The following CAPRIN2 variants were observed in gnomAD, a reference collection of about 807,000 sequenced individuals.
CAPRIN2 encodes caprin family member 2, also known as caprin-2.
CAPRIN2 carries 66 observed loss-of-function variants against 130.4 expected under a neutral mutation model. The observed-to-expected ratio is 0.51, with a 90% CI of 0.42 to 0.62. The LOEUF (loss-of-function observed/expected upper bound fraction) is 0.62. Ranked by LOEUF, CAPRIN2 falls within the 20% of genes least tolerant of loss-of-function variation. The pLI is 0.00. For synonymous variants in CAPRIN2, 471 were observed against 444.1 expected (o/e 1.06, Z -0.76); for missense variants, 1,185 against 1,246.6 (o/e 0.95, Z 0.74).
intron 2 of CAPRIN2, among the ~76,000 whole-genome samples, chr12:30,750,244 T>C (rs1237614546): frequency 6.6e-6 from 1 of 152,120 alleles, no homozygotes; most frequent in East Asian, 1.9e-4. Flanking sequence ...CACTATGGAA[T>C]GGGAAAAGTC....
chr12:30,734,926 T>C (rs201807048), intron 4 of CAPRIN2, 42 bp downstream of exon 5: 1 of 1,312,794 alleles, frequency 7.6e-7, no homozygotes, highest in East Asian at 2.3e-5. Context: ...AAAGCTAAAG[T>C]GTCAAGTGTT....
At chr12:30,728,323 G>A in intron 8 of CAPRIN2, 1 of 207,172 alleles carries the variant, frequency 4.8e-6, no homozygotes, top group Non-Finnish European at 9.8e-6. Flanking sequence ...GGGAGGCCGA[G>A]GCGGTTGGAT....
At position 30,710,526 on chromosome 12, in the gene CAPRIN2, A is replaced by G; in HGVS notation, c.2666-56T>C. On this transcript the variant is annotated intron_variant, in intron 16 of 16. Transcript: ENST00000298892. The surrounding 1 kb of genome is among the most constrained non-coding windows in gnomAD (Gnocchi z 4.8). ...AATGAAGCAGTTAGCTTTGAACACA[A>G]TATTTAACATTAGTCGGCTACTGAA... is the stretch of plus-strand genomic sequence containing the variant. 4 of 1,602,982 alleles carry G rather than the reference A, an allele frequency of 2.5e-6. No homozygotes were observed. Among genetic ancestry groups the G allele is most frequent in the Admixed American group, 3.4e-5 (2 of 59,236 alleles).
intron 9 of CAPRIN2, among the ~76,000 whole-genome samples, 170 bp downstream of exon 10, chr12:30,725,795 TA>T (rs1266471297): frequency 6.6e-6 from 1 of 151,982 alleles, no homozygotes; most frequent in Non-Finnish European, 1.5e-5. Flanking sequence ...ATTTTTCAAA[TA>T]AATAAACTGA....
intron 16 of CAPRIN2, among the ~76,000 whole-genome samples, chr12:30,711,239 C>T (rs1234619889): frequency 6.6e-6 from 1 of 152,006 alleles, no homozygotes; most frequent in Non-Finnish European, 1.5e-5. Flanking sequence ...TAAGAAGTAC[C>T]CATTATTACA....
intron 11 of CAPRIN2, among the ~76,000 whole-genome samples, chr12:30,721,148 C>T (rs2059304537): frequency 6.6e-6 from 1 of 152,110 alleles, no homozygotes; most frequent in Non-Finnish European, 1.5e-5. Flanking sequence ...AAGACATTTG[C>T]CCAAGATCAT....
At chr12:30,735,858 A>C (rs2064499057) in intron 3 of CAPRIN2, among the ~76,000 whole-genome samples, 1 of 152,138 alleles carries the variant, frequency 6.6e-6, no homozygotes, top group African/African-American at 2.4e-5. Flanking sequence ...GTTTTCCCTC[A>C]GGCCAGGCAC....
chr12:30,754,615 A>AGCCCC (rs754828654), upstream of CAPRIN2: 1,058 of 152,048 alleles, frequency 7.0e-3, 2 homozygotes, highest in Non-Finnish European at 0.012. Flanking sequence ...GGCCCTCGGG[A>AGCCCC]GCCCCGCCCC....
chr12:30,731,331 G>A lies in CAPRIN2; in HGVS notation c.1060+12C>T, dbSNP rs200863898. 13 of 1,608,234 alleles carry A rather than the reference G, an allele frequency of 8.1e-6. No individual in the cohort carries two copies. The highest frequency in any genetic ancestry group is 3.3e-4 in the Middle Eastern group (2 of 6,028). ...GCAACCACTATAAGGATTTTCAGAG[G>A]TCACAACAAACCTGACTCTTTGACA... On this transcript the variant is annotated intron_variant, in intron 6 of 16. Transcript: ENST00000298892.
rs1565615927 is a variant in CAPRIN2, at chr12:30,728,963, CT to C, written c.1466del (p.Lys489ArgfsTer71). 1.9e-6 allele frequency: 3 copies of C among 1,614,182 alleles called. No homozygotes were observed. The highest frequency in any genetic ancestry group is 2.5e-6 in the Non-Finnish European group (3 of 1,180,026). On this transcript the variant is annotated frameshift_variant, in exon 8 of 17. Transcript: ENST00000298892. LOFTEE classifies it high-confidence loss of function. ...GCCACAGCTTTGGTGTCTCCTGTTT[CT>C]TTTGTTCCTCTTGAACATACCCTGC... is the stretch of plus-strand genomic sequence containing the variant.
chr12:30,740,655 C>A (rs1013478921), intron 3 of CAPRIN2, among the ~76,000 whole-genome samples: 1 of 152,068 alleles, frequency 6.6e-6, no homozygotes, highest in Non-Finnish European at 1.5e-5. Context: ...GTGAAAGAAG[C>A]CTATCTTATA....
upstream of CAPRIN2, chr12:30,754,824 T>A (rs2075542513): frequency 6.6e-6 from 1 of 151,920 alleles, no homozygotes; most frequent in Admixed American, 6.6e-5. Context: ...GCAGGAGCGC[T>A]GCGGAGGTGG....
At chr12:30,742,954 A>G (rs1283927661) in intron 2 of CAPRIN2, among the ~76,000 whole-genome samples, 1 of 152,164 alleles carries the variant, frequency 6.6e-6, no homozygotes, top group Non-Finnish European at 1.5e-5. Context: ...CACAGTCCTC[A>G]GAGGGATGTA....
chr12:30,736,395 T>C (rs983580773), intron 3 of CAPRIN2, among the ~76,000 whole-genome samples: 5 of 116,936 alleles, frequency 4.3e-5, no homozygotes, highest in Non-Finnish European at 7.1e-5. Flanking sequence ...AAGATTAAAA[T>C]ACAAAAAAAA....
At chr12:30,741,159 T>C (rs2067272090) in intron 2 of CAPRIN2, 53 bp from the exon 4 acceptor site, 1 of 1,065,178 alleles carries the variant, frequency 9.4e-7, no homozygotes, top group Admixed American at 2.0e-5. Flanking sequence ...AGTATAAATA[T>C]GTGAAAATAA....
intron 12 of CAPRIN2, chr12:30,720,573 G>C (rs928878573): frequency 3.1e-6 from 1 of 317,504 alleles, no homozygotes; most frequent in East Asian, 5.3e-5. Flanking sequence ...CATTTTTTTA[G>C]ATTAAAAATG....
At chr12:30,709,893 TACTG>T in exon 17 of CAPRIN2, 1 of 1,599,916 alleles carries the variant, frequency 6.3e-7, no homozygotes, top group Non-Finnish European at 8.5e-7. Flanking sequence ...GTCAATACTG[TACTG>T]ACTTTCAATC....
At chr12:30,722,062 TCA>T (rs376099198) in intron 11 of CAPRIN2, among the ~76,000 whole-genome samples, 37 of 152,340 alleles carry the variant, frequency 2.4e-4, no homozygotes, top group African/African-American at 8.2e-4. Flanking sequence ...AAGGGAAGAT[TCA>T]CAGATGCTAA....
chr12:30,711,723 C>T (rs1488169174), intron 15 of CAPRIN2, 94 bp from the exon 18 acceptor site: 3 of 999,864 alleles, frequency 3.0e-6, no homozygotes, highest in South Asian at 2.6e-5. Context: ...TAAGATTAGT[C>T]CCCTTAGTTC....
Sources: gnomAD v4.1 joint callset for allele counts (sites outside exome capture counted in the v4.1 genomes callset) on GRCh38, gnomAD v4.1.1 for gene constraint, Gnocchi (gnomAD v3.1) non-coding constraint, MANE v1.5 for transcripts, NCBI Gene and HGNC (gene_info 2026-07-23, HGNC 2026-07-21) for gene names.